Variants in ODR4 observed in about 807,000 individuals in gnomAD.
The protein encoded by ODR4 is protein odr-4 homolog.
In ODR4, 47 loss-of-function variants were observed where a neutral mutation model predicts 60.2. The observed-to-expected ratio is 0.78, with a 90% CI of 0.62 to 1.00. The LOEUF is 1.00. Among genes scored for constraint, ODR4 ranks in the 50% least tolerant of loss-of-function variants. ODR4 has a pLI of 0.00. For synonymous variants in ODR4, 178 were observed against 175.5 expected (o/e 1.01, Z -0.11); for missense variants, 488 against 530.8 (o/e 0.92, Z 0.79).
At chr1:186,416,482 G>C (rs1252070787) in intron 12 of ODR4, among the ~76,000 whole-genome samples, 2 of 152,080 alleles carry the variant, frequency 1.3e-5, no homozygotes, top group Non-Finnish European at 2.9e-5. Flanking sequence ...GACCAGCCTG[G>C]CCAACATGGC....
At chr1:186,394,977 CA>C (rs922219799) in intron 9 of ODR4, among the ~76,000 whole-genome samples, 2 of 152,108 alleles carry the variant, frequency 1.3e-5, no homozygotes, top group Non-Finnish European at 1.5e-5. Flanking sequence ...GTTTATTAAA[CA>C]ATTTGGTTAA....
At chr1:186,389,502 A>T (rs1203109013) in intron 5 of ODR4, 86 bp from the exon 6 acceptor site, 10 of 1,082,250 alleles carry the variant, frequency 9.2e-6, no homozygotes, top group Non-Finnish European at 1.4e-5. Context: ...GGATGCGTGC[A>T]TTTTTTAGTT....
chr1:186,389,006 A>G (rs917649409), intron 5 of ODR4, among the ~76,000 whole-genome samples: 14 of 152,198 alleles, frequency 9.2e-5, no homozygotes, highest in African/African-American at 3.4e-4. Context: ...AGATGAAATG[A>G]CACTAAAAGC....
intron 4 of ODR4, 79 bp from the exon 5 acceptor site, chr1:186,388,363 A>G (rs1328162464): frequency 1.4e-6 from 1 of 709,670 alleles, no homozygotes; most frequent in East Asian, 3.0e-5. Context: ...AGAGTTGGGG[A>G]CATTATAATT....
At chr1:186,397,423 A>AT (rs1039240806) in intron 9 of ODR4, among the ~76,000 whole-genome samples, 2 of 151,496 alleles carry the variant, frequency 1.3e-5, no homozygotes, top group South Asian at 2.1e-4. Flanking sequence ...GTAAATCATT[A>AT]TTTTTTGTTT....
the ODR4 span, among the ~76,000 whole-genome samples, chr1:186,432,298 A>AT: frequency 2.0e-5 from 3 of 152,064 alleles, no homozygotes; most frequent in Admixed American, 6.6e-5. Context: ...TTTTATTTAA[A>AT]TTTTTTGTTT....
rs1661760841 is a variant in ODR4, at chr1:186,421,190, A to G, written c.*2114A>G. On this transcript the variant is annotated 3_prime_UTR_variant, in exon 14 of 14. Transcript: ENST00000287859. Reference sequence around the variant, plus strand: ...GCACAAATTCAGTAAAGAGACTACAAAAGGATGATCTTCAAGAAGGGAAAT... The same window carrying G: ...GCACAAATTCAGTAAAGAGACTACAGAAGGATGATCTTCAAGAAGGGAAAT... The G allele has an allele frequency of 6.6e-6, 1 of 152,230 alleles. No individual in the cohort carries two copies. The highest frequency in any genetic ancestry group is 1.5e-5 in the Non-Finnish European group (1 of 68,034). The allele number at this position is 152,230 out of a possible 1,614,324, so 9.4% of individuals were successfully genotyped here.
At chr1:186,387,656 A>G (rs544565505) in intron 4 of ODR4, among the ~76,000 whole-genome samples, 48 of 152,302 alleles carry the variant, frequency 3.2e-4, no homozygotes, top group African/African-American at 1.1e-3. Context: ...TATTACATTA[A>G]TATTGTGTTT....
the ODR4 span, among the ~76,000 whole-genome samples, chr1:186,431,922 A>C: frequency 6.6e-5 from 10 of 152,118 alleles, no homozygotes; most frequent in African/African-American, 2.4e-4. Context: ...GAGTGGGAAA[A>C]GTTGGTAGGG....
the ODR4 span, among the ~76,000 whole-genome samples, chr1:186,431,127 G>A: frequency 2.6e-5 from 4 of 152,170 alleles, no homozygotes; most frequent in Non-Finnish European, 2.9e-5. Flanking sequence ...CTCAGAGGGG[G>A]AAGAAAATAG....
rs1270645388 is a variant in ODR4, at chr1:186,393,061, C to A, written c.712-886C>A. Among the ~76,000 whole-genome samples, 5 of 152,078 alleles carry A rather than the reference C, an allele frequency of 3.3e-5. No homozygotes were observed. The East Asian group carries it at 7.7e-4, about 23-fold the overall frequency. ...AACAGAGGAACAGAAAACCAAATAC[C>A]GTATGTTCTGACTTATAAGTGGGAG... On this transcript the variant is annotated intron_variant, in intron 8 of 13. Coordinates refer to ENST00000287859, the MANE Select transcript of ODR4 (RefSeq NM_017847.6).
intron 12 of ODR4, among the ~76,000 whole-genome samples, chr1:186,415,175 A>G (rs1217931541): frequency 6.6e-6 from 1 of 152,152 alleles, no homozygotes; most frequent in Admixed American, 6.5e-5. Context: ...AAAAAAGAAT[A>G]GTGGTGCCCT....
At chr1:186,399,946 A>G (rs1018934891) in intron 11 of ODR4, among the ~76,000 whole-genome samples, 1 of 148,406 alleles carries the variant, frequency 6.7e-6, no homozygotes, top group African/African-American at 2.5e-5. Context: ...TATTGAGTAC[A>G]CTTTTTAAAG....
At chr1:186,423,614 C>T (rs1203456310), downstream of ODR4, among the ~76,000 whole-genome samples, 2 of 151,550 alleles carry the variant, frequency 1.3e-5, no homozygotes, top group Non-Finnish European at 2.9e-5. Flanking sequence ...ACCACCACGC[C>T]CGGCTAATTT....
intron 11 of ODR4, chr1:186,400,625 A>AT (rs1302531058): frequency 6.0e-6 from 1 of 165,456 alleles, no homozygotes; most frequent in Non-Finnish European, 1.3e-5. Context: ...TAGGAAAAAA[A>AT]GCATAGCTCC....
chr1:186,387,611 G>A (rs925755582), intron 4 of ODR4, among the ~76,000 whole-genome samples: 1 of 152,170 alleles, frequency 6.6e-6, no homozygotes, highest in Non-Finnish European at 1.5e-5. Flanking sequence ...AAACTTGTCA[G>A]TGTCACCCAT....
At chr1:186,397,803 C>G (rs1660760941) in intron 9 of ODR4, among the ~76,000 whole-genome samples, 1 of 152,146 alleles carries the variant, frequency 6.6e-6, no homozygotes, top group Non-Finnish European at 1.5e-5. Flanking sequence ...ATTCCTTAGA[C>G]TAAAGAGGAT....
chr1:186,413,528 T>A, intron 12 of ODR4, among the ~76,000 whole-genome samples: 1 of 152,176 alleles, frequency 6.6e-6, no homozygotes, highest in South Asian at 2.1e-4. Context: ...GCTGTGTTAG[T>A]CATCTCCTAG....
chr1:186,432,191 C>T, the ODR4 span, among the ~76,000 whole-genome samples: 2 of 152,174 alleles, frequency 1.3e-5, no homozygotes, highest in Non-Finnish European at 2.9e-5. Context: ...TAGCTACAAA[C>T]TGTGAGCTTT....
Sources: allele counts gnomAD v4.1 joint callset (sites outside exome capture counted in the v4.1 genomes callset), GRCh38; gene constraint gnomAD v4.1.1; transcripts MANE v1.5; gene names NCBI Gene and HGNC (gene_info 2026-07-23, HGNC 2026-07-21).